EIF4E2: variants seen among roughly 807,000 people sequenced by gnomAD.
EIF4E2 encodes eukaryotic translation initiation factor 4E family member 2.
EIF4E2 carries 13 observed loss-of-function variants against 34.2 expected under a neutral mutation model. That is an observed-to-expected ratio of 0.38 (90% CI 0.25 to 0.60). The LOEUF is 0.60. Ranked by LOEUF, EIF4E2 falls within the 20% of genes least tolerant of loss-of-function variation. EIF4E2 has a pLI of 0.62. For synonymous variants in EIF4E2, 100 were observed against 106.6 expected, an observed-to-expected ratio of 0.94 and a Z score of 0.38; for missense variants, 222 against 315.1, an observed-to-expected ratio of 0.70 and a Z score of 2.24.
rs1192071712 is a variant in EIF4E2, at chr2:232,550,697, AGGCAGT to A, written c.-24_-19del. On this transcript the variant is annotated 5_prime_UTR_variant, in exon 1 of 7. Coordinates refer to ENST00000258416, the MANE Select transcript of EIF4E2 (RefSeq NM_004846.4). ...CCGGTGGAGCGGAAGTCACTCCCTG[AGGCAGT>A]GGCGACAGCGGCGGCGAGAGGATGA... The A allele has an allele frequency of 2.0e-5, 32 of 1,583,710 alleles. No homozygotes were observed. Among genetic ancestry groups the A allele is most frequent in the Non-Finnish European group, 2.7e-5 (31 of 1,166,520 alleles).
chr2:232,571,950 G>A (rs1693102169), downstream of EIF4E2, among the ~76,000 whole-genome samples: 2 of 152,220 alleles, frequency 1.3e-5, no homozygotes, highest in African/African-American at 4.8e-5. Context: ...CAGCCTTTGG[G>A]TAGAGGTAGG....
chr2:232,557,822 TTC>T (rs1190727208), intron 2 of EIF4E2, 60 bp from the exon 3 acceptor site: 10 of 1,572,316 alleles, frequency 6.4e-6, no homozygotes, highest in Middle Eastern at 4.7e-4. Context: ...CTGCAAAATG[TTC>T]TCTCAGTCTC....
chr2:232,557,864 A>G lies in EIF4E2; in HGVS notation c.136-20A>G. ...CACGTGACAAATGCCCAGGACTAAC[A>G]CACCTTCTTTACTTCCCAGGCTGTT... is the stretch of plus-strand genomic sequence containing the variant. On this transcript the variant is annotated intron_variant, in intron 2 of 6. Transcript: ENST00000258416. 1 of 1,611,664 alleles carries G rather than the reference A, an allele frequency of 6.2e-7. No homozygotes were observed.
At chr2:232,568,417 C>T (rs1320816243) in intron 6 of EIF4E2, 1 of 985,160 alleles carries the variant, frequency 1.0e-6, no homozygotes, top group Non-Finnish European at 1.2e-6. Flanking sequence ...TGGTTGCTTG[C>T]CTTAGCAGTC....
At position 232,552,068 on chromosome 2, in the gene EIF4E2, C is replaced by T. The variant is rs1417351636; in HGVS notation, c.20+1324C>T. ...GCTTTCTGGAACCCTTATACCCCTTCCTCCACTGATTTGAACAAATCAAAT... is the reference window on the plus strand; with the variant it reads ...GCTTTCTGGAACCCTTATACCCCTTTCTCCACTGATTTGAACAAATCAAAT... On this transcript the variant is annotated intron_variant, in intron 1 of 6. Coordinates refer to ENST00000258416, the MANE Select transcript of EIF4E2 (RefSeq NM_004846.4). 2.0e-5 allele frequency among the ~76,000 whole-genome samples: 3 copies of T among 152,164 alleles called. No individual in the cohort carries two copies. In the East Asian group the frequency reaches 5.8e-4, roughly 29 times the overall value.
chr2:232,559,161 A>C (rs1356959720), intron 3 of EIF4E2, among the ~76,000 whole-genome samples: 1 of 151,742 alleles, frequency 6.6e-6, no homozygotes, highest in Non-Finnish European at 1.5e-5. Flanking sequence ...AGCATGGCAC[A>C]TGTATACATA....
chr2:232,550,888 C>T, intron 1 of EIF4E2, 144 bp downstream of exon 1: 5 of 848,516 alleles, frequency 5.9e-6, no homozygotes, highest in Non-Finnish European at 9.0e-6. Context: ...CCTGGACTGG[C>T]GGGGAGGAGG....
intron 6 of EIF4E2, among the ~76,000 whole-genome samples, chr2:232,575,204 G>C (rs1693181568): frequency 1.2e-5 from 1 of 86,398 alleles, no homozygotes; most frequent in Admixed American, 9.4e-5. Context: ...TCCCTAGAAG[G>C]AGACGAGCGT....
chr2:232,582,963 G>A (rs921560238), exon 7 of EIF4E2: 2 of 152,184 alleles, frequency 1.3e-5, no homozygotes, highest in African/African-American at 4.8e-5. Context: ...TGCCTGTTAG[G>A]CAGCATCTTA....
intron 3 of EIF4E2, among the ~76,000 whole-genome samples, chr2:232,560,388 A>T (rs998582826): frequency 6.6e-6 from 1 of 152,274 alleles, no homozygotes; most frequent in African/African-American, 2.4e-5. Context: ...AGCTAAAATT[A>T]TAAAATTCTT....
chr2:232,566,957 G>A lies in EIF4E2; in HGVS notation c.504G>A (p.Gly168=). 6.2e-7 allele frequency: 1 copy of A among 1,600,738 alleles called. No individual in the cohort carries two copies. Among genetic ancestry groups the A allele is most frequent in the Non-Finnish European group, 8.5e-7 (1 of 1,173,130 alleles). ...TCATGGTTGGGGAGGAGATCTGTGG[G>A]GCTGTGGTGTCTGTCCGCTTTCAGG... ...EQFMVGEEIC[G]AVVSVRFQED... Residue 168 remains glycine, a synonymous_variant, in exon 5 of 7, where the codon GGG becomes GGA. Coordinates refer to ENST00000258416, the MANE Select transcript of EIF4E2 (RefSeq NM_004846.4). This position sits in a 1 kb window ranked among gnomAD's most constrained non-coding sequence, Gnocchi z 4.9.
intron 3 of EIF4E2, among the ~76,000 whole-genome samples, chr2:232,560,174 G>A (rs1692673594): frequency 6.6e-6 from 1 of 152,092 alleles, no homozygotes; most frequent in African/African-American, 2.4e-5. Context: ...CCCATACCTT[G>A]CCCTACGCAT....
At position 232,567,063 on chromosome 2, in the gene EIF4E2, C is replaced by G. The variant is rs1372229685; in HGVS notation, c.529-15C>G. The G allele has an allele frequency of 6.2e-7, 1 of 1,611,344 alleles. No individual in the cohort carries two copies. Among genetic ancestry groups the G allele is most frequent in the East Asian group, 2.2e-5 (1 of 44,870 alleles). On this transcript the variant is annotated splice_polypyrimidine_tract_variant and intron_variant, in intron 5 of 6. Transcript: ENST00000258416. Reference sequence around the variant, plus strand: ...CCCTGATTTGCTTTGATGATTCCTTCTGTTCCTCTGGTAGGAAGACATTAT... The same window carrying G: ...CCCTGATTTGCTTTGATGATTCCTTGTGTTCCTCTGGTAGGAAGACATTAT...
intron 4 of EIF4E2, among the ~76,000 whole-genome samples, chr2:232,565,005 G>T (rs1315955988): frequency 6.6e-6 from 1 of 152,114 alleles, no homozygotes; most frequent in Admixed American, 6.6e-5. Flanking sequence ...GATTAAAGTG[G>T]GTAAGAAAAT....
intron 6 of EIF4E2, chr2:232,568,337 C>A (rs1404064941): frequency 1.0e-6 from 1 of 985,368 alleles, no homozygotes; most frequent in Non-Finnish European, 1.2e-6. Flanking sequence ...CTGCTATGGG[C>A]GTTGGTCCAT....
chr2:232,550,754 TCGTGGCCGCCCCCGGGG>T lies in EIF4E2; in HGVS notation c.20+12_20+28del. ...ACAACAAGTTCGACGCGTGAGTGGC[TCGTGGCCGCCCCCGGGG>T]CCCCTTCCCCGAACAGTTCCCCCGC... On this transcript the variant is annotated intron_variant, in intron 1 of 6. Coordinates refer to ENST00000258416, the MANE Select transcript of EIF4E2 (RefSeq NM_004846.4). 1 of 1,569,808 alleles carries T rather than the reference TCGTGGCCGCCCCCGGGG, an allele frequency of 6.4e-7. No homozygotes were observed. Among genetic ancestry groups the T allele is most frequent in the Admixed American group, 1.9e-5 (1 of 53,290 alleles).
intron 4 of EIF4E2, among the ~76,000 whole-genome samples, chr2:232,565,760 A>C (rs1692900154): frequency 6.6e-6 from 1 of 152,218 alleles, no homozygotes; most frequent in Non-Finnish European, 1.5e-5. Flanking sequence ...TGTAATTAAT[A>C]TCCTTGGCTG....
chr2:232,577,742 T>C (rs1488668735), intron 6 of EIF4E2, among the ~76,000 whole-genome samples: 2 of 152,218 alleles, frequency 1.3e-5, no homozygotes, highest in East Asian at 1.9e-4. Flanking sequence ...TCTTTTTTTT[T>C]CTTCCAGCAT....
chr2:232,580,895 T>C, intron 6 of EIF4E2: 2 of 1,547,852 alleles, frequency 1.3e-6, no homozygotes, highest in Non-Finnish European at 1.7e-6. Context: ...TCCCATTTTT[T>C]TCTTTCAGGG....
Sources: allele counts gnomAD v4.1 joint callset (sites outside exome capture counted in the v4.1 genomes callset), GRCh38; gene constraint gnomAD v4.1.1; non-coding constraint Gnocchi (gnomAD v3.1); transcripts MANE v1.5; gene names NCBI Gene and HGNC (gene_info 2026-07-23, HGNC 2026-07-21).